LIMK1: variants seen among roughly 807,000 people sequenced by gnomAD.
The protein encoded by LIMK1 is LIM domain kinase 1.
A neutral mutation model predicts 77.6 loss-of-function variants in LIMK1; 21 were observed. The observed-to-expected ratio is 0.27, with a 90% CI of 0.19 to 0.39. The LOEUF is 0.39. LIMK1 is among the 10% of genes least tolerant of loss of function. The pLI is 1.00. For synonymous variants in LIMK1, 358 were observed against 370.0 expected, an observed-to-expected ratio of 0.97 and a Z score of 0.37; for missense variants, 696 against 901.6, an observed-to-expected ratio of 0.77 and a Z score of 2.92.
At chr7:74,103,727 C>G (rs1799513197) in intron 5 of LIMK1, among the ~76,000 whole-genome samples, 1 of 152,188 alleles carries the variant, frequency 6.6e-6, no homozygotes, top group African/African-American at 2.4e-5. Context: ...ATTTCTAACT[C>G]TGTTCTTCCT....
chr7:74,120,732 AG>A, intron 14 of LIMK1, 94 bp downstream of exon 14: 1 of 1,554,574 alleles, frequency 6.4e-7, no homozygotes, highest in Admixed American at 1.7e-5. Context: ...GCCTCATGCC[AG>A]GAAGCCTGCC....
At position 74,121,498 on chromosome 7, in the gene LIMK1, G is replaced by GCA. The variant is rs782736041; in HGVS notation, c.*207_*208dup. On this transcript the variant is annotated 3_prime_UTR_variant, in exon 16 of 16. Coordinates refer to ENST00000336180, the MANE Select transcript of LIMK1 (RefSeq NM_002314.4). Reference sequence around the variant, plus strand: ...GCCGTGGCCCAGAGCCGGCCCAGCTGCACACACACACCATGCTCTCGCCCT... The same window carrying GCA: ...GCCGTGGCCCAGAGCCGGCCCAGCTGCACACACACACACCATGCTCTCGCCCT... The GCA allele has an allele frequency of 1.0e-5, 6 of 580,852 alleles. No individual in the cohort carries two copies. The highest frequency in any genetic ancestry group is 7.0e-5 in the South Asian group (3 of 42,826). 36.0% of individuals were successfully genotyped at this position (580,852 alleles called of 1,614,324 possible). A position where few individuals can be genotyped will look rare whatever the true frequency, so the allele number is the denominator to read the frequency against.
At chr7:74,109,243 C>G in intron 10 of LIMK1, 1 of 523,526 alleles carries the variant, frequency 1.9e-6, no homozygotes, top group South Asian at 1.9e-5. Context: ...ACCTGTTATT[C>G]TGGCACTTTG....
chr7:74,119,781 G>A (rs1000864923), intron 13 of LIMK1, among the ~76,000 whole-genome samples: 3 of 151,784 alleles, frequency 2.0e-5, no homozygotes, highest in Non-Finnish European at 4.4e-5. Flanking sequence ...GGTGGCAGGC[G>A]CCTGTAATCC....
intron 13 of LIMK1, among the ~76,000 whole-genome samples, chr7:74,118,876 G>A (rs373951749): frequency 5.3e-5 from 8 of 151,944 alleles, no homozygotes; most frequent in Admixed American, 2.6e-4. Context: ...TAATTGTTTC[G>A]GGTATTTTGT....
At chr7:74,120,763 GC>G (rs1799918097) in intron 14 of LIMK1, 125 bp downstream of exon 14, 2 of 1,524,686 alleles carry the variant, frequency 1.3e-6, no homozygotes. Context: ...GCATGGGCTG[GC>G]CCCCATGGGG....
chr7:74,089,810 T>C (rs1402193287), intron 2 of LIMK1, among the ~76,000 whole-genome samples: 1 of 151,810 alleles, frequency 6.6e-6, no homozygotes, highest in East Asian at 1.9e-4. Flanking sequence ...GGCCCTGAGA[T>C]GGTGAGTGGG....
rs1291966180 is a variant in LIMK1 at position 74,112,413 on chromosome 7, G to T, written c.1410+415G>T. 3.9e-5 allele frequency among the ~76,000 whole-genome samples: 6 copies of T among 152,156 alleles called. No homozygotes were observed. In the East Asian group the frequency reaches 1.2e-3, roughly 29 times the overall value. On this transcript the variant is annotated intron_variant, in intron 12 of 15. Coordinates refer to ENST00000336180, the MANE Select transcript of LIMK1 (RefSeq NM_002314.4). ...TAGGCGTATGGGCTGGAGTGGTCAG[G>T]GCAGGCTTCCTGAAAGAGGAGGCTT... is the stretch of plus-strand genomic sequence containing the variant.
intron 4 of LIMK1, among the ~76,000 whole-genome samples, chr7:74,097,782 C>T (rs1398448594): frequency 6.6e-6 from 1 of 152,218 alleles, no homozygotes; most frequent in Non-Finnish European, 1.5e-5. Flanking sequence ...AGGACACCAT[C>T]CCCAGCATAA....
intron 1 of LIMK1, among the ~76,000 whole-genome samples, chr7:74,084,774 GC>G (rs1799101130): frequency 1.3e-5 from 2 of 152,136 alleles, no homozygotes; most frequent in South Asian, 4.1e-4. Context: ...GACTCCCCCA[GC>G]CTAGGACAGG....
At chr7:74,116,264 T>C (rs150871) in intron 13 of LIMK1, among the ~76,000 whole-genome samples, 129,426 of 152,076 alleles carry the variant, frequency 0.85, 55,793 homozygotes, top group Middle Eastern at 0.93. Flanking sequence ...GGCATGGTGG[T>C]GGGTGTAATC....
chr7:74,109,232 C>T (rs1554698266), intron 10 of LIMK1, 196 bp downstream of exon 10: 2 of 549,640 alleles, frequency 3.6e-6, no homozygotes, highest in Admixed American at 2.7e-5. Flanking sequence ...CAATGGTGCA[C>T]ACCTGTTATT....
chr7:74,112,116 T>C (rs1799711948), intron 12 of LIMK1, 118 bp downstream of exon 12: 1 of 811,468 alleles, frequency 1.2e-6, no homozygotes, highest in South Asian at 1.7e-5. Context: ...TGACTTCAAT[T>C]TGAGGTGGGG....
intron 5 of LIMK1, among the ~76,000 whole-genome samples, chr7:74,101,228 C>G (rs1799453543): frequency 6.6e-6 from 1 of 152,316 alleles, no homozygotes; most frequent in Non-Finnish European, 1.5e-5. Context: ...GATGAGCAGA[C>G]AGCTGCTTGA....
chr7:74,084,422 A>T (rs1321260729), intron 1 of LIMK1, among the ~76,000 whole-genome samples: 3 of 152,142 alleles, frequency 2.0e-5, no homozygotes, highest in Non-Finnish European at 4.4e-5. Flanking sequence ...GGGAAGCCGC[A>T]GCCCCGGGTC....
Position 74,107,203 on chromosome 7 carries a change from A to G in LIMK1, c.1065+10A>G, listed in dbSNP as rs1554697809. 12 of 1,598,796 alleles carry G rather than the reference A, an allele frequency of 7.5e-6. No homozygotes were observed. The highest frequency in any genetic ancestry group is 1.0e-5 in the Non-Finnish European group (12 of 1,172,600). On this transcript the variant is annotated intron_variant, in intron 8 of 15. Coordinates refer to ENST00000336180, the MANE Select transcript of LIMK1 (RefSeq NM_002314.4). ...CGGCCAGGCTATCAAGGTACAGAGCATGCCAGGGTCTCAGGGGACAGTCTG... is the reference window on the plus strand; with the variant it reads ...CGGCCAGGCTATCAAGGTACAGAGCGTGCCAGGGTCTCAGGGGACAGTCTG...
At position 74,107,880 on chromosome 7, in the gene LIMK1, C is replaced by T. The variant is rs11541655; in HGVS notation, c.1075C>T (p.Arg359Cys). The T allele has an allele frequency of 1.0e-5, 16 of 1,571,062 alleles. No homozygotes were observed. In the East Asian group the frequency reaches 2.3e-4, roughly 23 times the overall value. The change falls in exon 9 of 16, where the codon CGT becomes TGT. Residue 359 changes from arginine to cysteine, a missense_variant. Coordinates refer to ENST00000336180, the MANE Select transcript of LIMK1 (RefSeq NM_002314.4). ...CFGQAIKVTH[R>C]ETGEVMVMKE... The stretch of plus-strand genomic sequence containing the variant: ...TGTGTCCCACACGCAGGTGACACAC[C>T]GTGAGACAGGTGAGGTGATGGTGAT...
intron 8 of LIMK1, 128 bp from the exon 9 acceptor site, chr7:74,107,743 C>A: frequency 2.9e-6 from 2 of 684,264 alleles, no homozygotes; most frequent in Non-Finnish European, 5.2e-6. Context: ...TGGGAACATC[C>A]CATGCACAGC....
chr7:74,110,089 C>T (rs981659328), intron 10 of LIMK1: 1 of 152,188 alleles, frequency 6.6e-6, no homozygotes, highest in Non-Finnish European at 1.5e-5. Flanking sequence ...TGGCTCACAC[C>T]TGAATTCCCA....
Sources: allele counts gnomAD v4.1 joint callset (sites outside exome capture counted in the v4.1 genomes callset), GRCh38; gene constraint gnomAD v4.1.1; transcripts MANE v1.5; gene names NCBI Gene and HGNC (gene_info 2026-07-23, HGNC 2026-07-21).